Variants in GTF2IRD1 observed in about 807,000 individuals in gnomAD.
GTF2IRD1 encodes general transcription factor II-I repeat domain-containing protein 1.
GTF2IRD1 carries 26 observed loss-of-function variants against 113.2 expected under a neutral mutation model. The ratio of observed to expected loss-of-function variants is 0.23; its 90% CI spans 0.17 to 0.32. The LOEUF (loss-of-function observed/expected upper bound fraction) is 0.32. Ranked by LOEUF, GTF2IRD1 falls within the 10% of genes least tolerant of loss-of-function variation. The pLI, the probability that GTF2IRD1 is intolerant of heterozygous loss-of-function variation, is 1.00. For synonymous variants in GTF2IRD1, 484 were observed against 529.1 expected (o/e 0.91, Z 1.17); for missense variants, 864 against 1,280.8 (o/e 0.67, Z 4.97).
intron 22 of GTF2IRD1, among the ~76,000 whole-genome samples, chr7:74,563,433 T>G (rs1433322304): frequency 6.6e-6 from 1 of 151,344 alleles, no homozygotes; most frequent in African/African-American, 2.4e-5. Context: ...AAAAATTAGC[T>G]GGGCATGGTG....
intron 1 of GTF2IRD1, among the ~76,000 whole-genome samples, chr7:74,489,068 G>C (rs1795180082): frequency 2.0e-5 from 3 of 151,458 alleles, no homozygotes; most frequent in Admixed American, 6.6e-5. Flanking sequence ...TTTGAACCCA[G>C]GAGGCAGAAG....
At chr7:74,559,889 C>T (rs1467146018) in intron 22 of GTF2IRD1, among the ~76,000 whole-genome samples, 3 of 152,134 alleles carry the variant, frequency 2.0e-5, no homozygotes, top group Non-Finnish European at 4.4e-5. Context: ...AAGCAATTCT[C>T]CTGCCTCAGA....
intron 1 of GTF2IRD1, among the ~76,000 whole-genome samples, chr7:74,492,423 G>T (rs185457014): frequency 6.6e-6 from 1 of 152,136 alleles, no homozygotes; most frequent in Non-Finnish European, 1.5e-5. Context: ...GCCCACCTTG[G>T]CCTCCAAAAG....
chr7:74,484,276 A>T (rs1029805973), intron 1 of GTF2IRD1, among the ~76,000 whole-genome samples: 1 of 151,966 alleles, frequency 6.6e-6, no homozygotes, highest in South Asian at 2.1e-4. Flanking sequence ...GCCTAACATG[A>T]TGGTCTTTTT....
chr7:74,517,427 C>CTTTTTTTTTTTTTTTTT (rs59499031), intron 4 of GTF2IRD1, among the ~76,000 whole-genome samples: 1 of 77,402 alleles, frequency 1.3e-5, no homozygotes, highest in African/African-American at 5.2e-5. Flanking sequence ...CTCCCTACAC[C>CTTTTTTTTTTTTTTTTT]TTTTTTTTTT....
intron 9 of GTF2IRD1, among the ~76,000 whole-genome samples, chr7:74,532,788 A>C (rs1798048404): frequency 1.3e-5 from 2 of 152,034 alleles, no homozygotes; most frequent in South Asian, 2.1e-4. Context: ...GCCTCCCAGG[A>C]CTGGTGTTTT....
chr7:74,511,869 G>C (rs1295056496), intron 2 of GTF2IRD1, among the ~76,000 whole-genome samples: 1 of 152,176 alleles, frequency 6.6e-6, no homozygotes, highest in Non-Finnish European at 1.5e-5. Context: ...TTGGTTGTAG[G>C]GACCCCCTAC....
chr7:74,502,067 C>T (rs1796063069), intron 1 of GTF2IRD1, among the ~76,000 whole-genome samples: 1 of 152,180 alleles, frequency 6.6e-6, no homozygotes, highest in African/African-American at 2.4e-5. Flanking sequence ...CCGTCTCAGC[C>T]TCCCAAGTAG....
intron 17 of GTF2IRD1, among the ~76,000 whole-genome samples, chr7:74,552,858 G>C (rs377015801): frequency 1.2e-3 from 176 of 152,264 alleles, no homozygotes; most frequent in African/African-American, 3.8e-3. Context: ...TTTTGAGACA[G>C]AGTCTCACTC....
At chr7:74,513,090 TAACA>T in intron 3 of GTF2IRD1, 119 bp downstream of exon 3, 3 of 942,556 alleles carry the variant, frequency 3.2e-6, no homozygotes, top group Non-Finnish European at 3.2e-6. Context: ...GGAGTGAACC[TAACA>T]AGCTAGGTTG....
intron 20 of GTF2IRD1, among the ~76,000 whole-genome samples, chr7:74,558,464 A>G (rs1445602098): frequency 2.0e-5 from 3 of 147,062 alleles, no homozygotes; most frequent in East Asian, 2.0e-4. Context: ...GGCTCAAGCA[A>G]TCCTCCTGCC....
At chr7:74,568,602 T>C (rs1262812766) in intron 22 of GTF2IRD1, among the ~76,000 whole-genome samples, 2 of 152,000 alleles carry the variant, frequency 1.3e-5, no homozygotes, top group African/African-American at 4.8e-5. Flanking sequence ...GAGCCGAGAT[T>C]GTGCCACTGC....
intron 7 of GTF2IRD1, among the ~76,000 whole-genome samples, chr7:74,521,774 AC>A (rs1369154825): frequency 6.6e-6 from 1 of 152,138 alleles, no homozygotes; most frequent in Non-Finnish European, 1.5e-5. Flanking sequence ...AAAAGTTGTA[AC>A]AAAAAATAAA....
intron 9 of GTF2IRD1, among the ~76,000 whole-genome samples, chr7:74,531,648 C>T (rs1797969509): frequency 6.6e-6 from 1 of 151,640 alleles, no homozygotes; most frequent in Non-Finnish European, 1.5e-5. Flanking sequence ...TTTAGGAGGC[C>T]AAGGTAGGCG....
chr7:74,458,210 G>A (rs1793119439), intron 1 of GTF2IRD1, among the ~76,000 whole-genome samples: 1 of 152,076 alleles, frequency 6.6e-6, no homozygotes, highest in African/African-American at 2.4e-5. Context: ...GGGATAATAT[G>A]GGGCCGCTAG....
At chr7:74,590,504 T>C (rs1377190263) in intron 23 of GTF2IRD1, among the ~76,000 whole-genome samples, 1 of 152,022 alleles carries the variant, frequency 6.6e-6, no homozygotes, top group African/African-American at 2.4e-5. Flanking sequence ...TTCTCCTGCC[T>C]CAGCCTCACG....
At chr7:74,601,825 C>T (rs957162657) in intron 26 of GTF2IRD1, 9 of 168,882 alleles carry the variant, frequency 5.3e-5, no homozygotes, top group East Asian at 1.6e-4. Flanking sequence ...TGCCTGTGGT[C>T]GCAGCTACTT....
intron 1 of GTF2IRD1, among the ~76,000 whole-genome samples, chr7:74,478,752 A>G (rs1421061416): frequency 6.9e-6 from 1 of 145,106 alleles, no homozygotes; most frequent in Non-Finnish European, 1.5e-5. Context: ...CACCAGCCCC[A>G]CCTTTTTTTT....
intron 22 of GTF2IRD1, among the ~76,000 whole-genome samples, chr7:74,575,382 G>A (rs587664239): frequency 1.3e-5 from 2 of 152,310 alleles, no homozygotes; most frequent in East Asian, 3.9e-4. Context: ...GAGATGGACA[G>A]GGAAGATGGT....
Sources: allele counts gnomAD v4.1 joint callset (sites outside exome capture counted in the v4.1 genomes callset), GRCh38; gene constraint gnomAD v4.1.1; transcripts MANE v1.5; gene names NCBI Gene and HGNC (gene_info 2026-07-23, HGNC 2026-07-21).